DIAPH3: variants seen among roughly 807,000 people sequenced by gnomAD.
DIAPH3 encodes protein diaphanous homolog 3.
DIAPH3 carries 117 observed loss-of-function variants against 144.3 expected under a neutral mutation model. The observed-to-expected ratio is 0.81, with a 90% CI of 0.70 to 0.95. The LOEUF is 0.95. Among genes scored for constraint, DIAPH3 ranks in the 40% least tolerant of loss-of-function variants. DIAPH3 has a pLI of 0.00. For missense variants in DIAPH3, 1,421 were observed against 1,412.7 expected, an observed-to-expected ratio of 1.01 and a Z score of -0.09; for synonymous variants, 519 against 488.9, an observed-to-expected ratio of 1.06 and a Z score of -0.81.
Position 60,136,566 on chromosome 13 carries a change from C to T in DIAPH3, c.181-3577G>A, listed in dbSNP as rs7319562. Among the ~76,000 whole-genome samples the T allele has an allele frequency of 6.9e-3, 1,052 of 151,376 alleles. 11 individuals carry two copies. The highest frequency in any genetic ancestry group is 0.024 in the African/African-American group (1,002 of 41,286). On this transcript the variant is annotated intron_variant, in intron 1 of 27. Coordinates refer to ENST00000400324, the MANE Select transcript of DIAPH3 (RefSeq NM_001042517.2). ...ACTTTGTGACCTTTACATATATTACCTACCTGGCCTATGATTCTAGAGGTG... is the reference window on the plus strand; with the variant it reads ...ACTTTGTGACCTTTACATATATTACTTACCTGGCCTATGATTCTAGAGGTG...
In DIAPH3 at chr13:60,093,624, T is replaced by G. The variant is rs1225544615; in HGVS notation, c.495+4A>C. On this transcript the variant is annotated splice_donor_region_variant and intron_variant, in intron 4 of 27. Transcript: ENST00000400324. The stretch of plus-strand genomic sequence containing the variant: ...GTATTTTTCAACTTGACAGTTTTAC[T>G]TACTGTCTTAGAAGCAGTATTAATG... The G allele has an allele frequency of 1.3e-6, 2 of 1,575,344 alleles. No homozygotes were observed. Among genetic ancestry groups the G allele is most frequent in the Non-Finnish European group, 1.7e-6 (2 of 1,146,188 alleles).
intron 27 of DIAPH3, among the ~76,000 whole-genome samples, chr13:59,682,144 G>A (rs1327491251): frequency 6.6e-6 from 1 of 152,094 alleles, no homozygotes; most frequent in Admixed American, 6.6e-5. Context: ...TATGGCCCAG[G>A]TTCACTAGTA....
chr13:59,883,365 T>G (rs1439073216), intron 20 of DIAPH3, among the ~76,000 whole-genome samples: 1 of 152,228 alleles, frequency 6.6e-6, no homozygotes, highest in Non-Finnish European at 1.5e-5. Flanking sequence ...TTTTCTTTTA[T>G]AAATACAGGT....
intron 7 of DIAPH3, among the ~76,000 whole-genome samples, chr13:60,015,587 A>G (rs1316018929): frequency 6.7e-6 from 1 of 149,850 alleles, no homozygotes; most frequent in African/African-American, 2.4e-5. Flanking sequence ...GAAAAGAGGA[A>G]GAGTAGGACA....
At chr13:60,031,898 C>T (rs927449634) in intron 5 of DIAPH3, among the ~76,000 whole-genome samples, 1 of 152,080 alleles carries the variant, frequency 6.6e-6, no homozygotes. Context: ...CACAGGCCAC[C>T]ATGCCCAGCT....
At position 60,063,996 on chromosome 13, in the gene DIAPH3, C is replaced by T. The variant is rs181170489; in HGVS notation, c.496-21176G>A. 1.7e-3 allele frequency among the ~76,000 whole-genome samples: 264 copies of T among 152,226 alleles called. 1 individual carries two copies. Among genetic ancestry groups the T allele is most frequent in the African/African-American group, 5.8e-3 (241 of 41,552 alleles). On this transcript the variant is annotated intron_variant, in intron 4 of 27. Transcript: ENST00000400324. Reference sequence around the variant, plus strand: ...ACTCTTGGATGACTAAATGCACTGTCAATGAACAGAAATATTTTTTTAAAG... The same window carrying T: ...ACTCTTGGATGACTAAATGCACTGTTAATGAACAGAAATATTTTTTTAAAG...
chr13:59,678,273 C>T (rs1435573282), intron 27 of DIAPH3, among the ~76,000 whole-genome samples: 1 of 151,974 alleles, frequency 6.6e-6, no homozygotes, highest in African/African-American at 2.4e-5. Context: ...ATTATGAAAT[C>T]TTAAACTATT....
chr13:59,699,024 GTCAAGCTCTGTTC>G (rs2033960928), intron 27 of DIAPH3, among the ~76,000 whole-genome samples: 1 of 152,184 alleles, frequency 6.6e-6, no homozygotes, highest in African/African-American at 2.4e-5. Context: ...TCTAATATGG[GTCAAGCTCTGTTC>G]TAGGAATAGT....
At chr13:59,798,989 A>G (rs145770201) in intron 25 of DIAPH3, among the ~76,000 whole-genome samples, 1 of 152,274 alleles carries the variant, frequency 6.6e-6, no homozygotes, top group East Asian at 1.9e-4. Context: ...GCTGTGGTTG[A>G]AGCACAGTAA....
In DIAPH3 at chr13:59,816,755, T is replaced by A. The variant is rs1460238673; in HGVS notation, c.3028-5832A>T. ...CATGTACATATTTTGGGGGTACATA[T>A]GATAATCTGATACTTTTATATAATG... On this transcript the variant is annotated intron_variant, in intron 24 of 27. Coordinates refer to ENST00000400324, the MANE Select transcript of DIAPH3 (RefSeq NM_001042517.2). 2.6e-5 allele frequency among the ~76,000 whole-genome samples: 4 copies of A among 151,876 alleles called. No homozygotes were observed. The South Asian group carries it at 8.3e-4, about 31-fold the overall frequency.
At chr13:59,984,098 C>A (rs1398867784) in intron 12 of DIAPH3, among the ~76,000 whole-genome samples, 1 of 151,480 alleles carries the variant, frequency 6.6e-6, no homozygotes, top group East Asian at 1.9e-4. Flanking sequence ...TTTTTATAGT[C>A]TTTTAGGAAA....
intron 27 of DIAPH3, among the ~76,000 whole-genome samples, chr13:59,752,548 G>T (rs1425661767): frequency 6.6e-6 from 1 of 151,674 alleles, no homozygotes; most frequent in Non-Finnish European, 1.5e-5. Flanking sequence ...TTGTATTTTT[G>T]TTAGAGATGG....
chr13:59,953,136 A>G (rs965956584), intron 17 of DIAPH3, among the ~76,000 whole-genome samples: 1 of 152,142 alleles, frequency 6.6e-6, no homozygotes, highest in African/African-American at 2.4e-5. Flanking sequence ...TCATTGAGAA[A>G]GCGACATTTG....
intron 27 of DIAPH3, among the ~76,000 whole-genome samples, chr13:59,719,991 G>A (rs183859990): frequency 3.0e-4 from 46 of 152,282 alleles, no homozygotes; most frequent in Admixed American, 1.1e-3. Flanking sequence ...GGATAGTTGG[G>A]AAGGGGAAAG....
At chr13:59,867,219 G>A (rs1176109406) in intron 21 of DIAPH3, among the ~76,000 whole-genome samples, 1 of 151,450 alleles carries the variant, frequency 6.6e-6, no homozygotes, top group Non-Finnish European at 1.5e-5. Flanking sequence ...GCATGAGCCT[G>A]GGAGTTCAAG....
intron 27 of DIAPH3, among the ~76,000 whole-genome samples, chr13:59,744,670 C>T (rs2036619328): frequency 6.6e-6 from 1 of 152,280 alleles, no homozygotes; most frequent in Middle Eastern, 3.4e-3. Flanking sequence ...CCACCACTGA[C>T]CACGTTTACA....
At chr13:59,809,411 A>T (rs1341565232) in intron 25 of DIAPH3, among the ~76,000 whole-genome samples, 3 of 151,830 alleles carry the variant, frequency 2.0e-5, no homozygotes, top group African/African-American at 7.3e-5. Flanking sequence ...TTGAGGCAGG[A>T]GAATCCCTCG....
At chr13:59,983,228 CGG>C (rs994733177) in intron 13 of DIAPH3, among the ~76,000 whole-genome samples, 2 of 135,218 alleles carry the variant, frequency 1.5e-5, no homozygotes, top group African/African-American at 5.4e-5. Context: ...AAAAAGGCTT[CGG>C]GGGGGACAGG....
At chr13:59,850,293 T>G (rs1168861273) in intron 22 of DIAPH3, among the ~76,000 whole-genome samples, 1 of 149,922 alleles carries the variant, frequency 6.7e-6, no homozygotes, top group Non-Finnish European at 1.5e-5. Context: ...CCTCTTTTCC[T>G]AATTGAATAC....
Sources: gnomAD v4.1 joint callset for allele counts (sites outside exome capture counted in the v4.1 genomes callset) on GRCh38, gnomAD v4.1.1 for gene constraint, MANE v1.5 for transcripts, NCBI Gene and HGNC (gene_info 2026-07-23, HGNC 2026-07-21) for gene names.